Variants in CNTN4 observed in about 807,000 individuals in gnomAD.
CNTN4 encodes contactin-4.
A neutral mutation model predicts 122.5 loss-of-function variants in CNTN4; 77 were observed. The observed-to-expected ratio is 0.63, with a 90% confidence interval of 0.52 to 0.76. The LOEUF (loss-of-function observed/expected upper bound fraction) is 0.76. CNTN4 is among the 30% of genes least tolerant of loss of function. CNTN4 has a pLI of 0.00. For missense variants in CNTN4, 1,256 were observed against 1,259.1 expected (o/e 1.00, Z 0.04); for synonymous variants, 512 against 447.0 (o/e 1.15, Z -1.83).
At chr3:2,681,110 G>T (rs539063443) in intron 4 of CNTN4, among the ~76,000 whole-genome samples, 23 of 151,966 alleles carry the variant, frequency 1.5e-4, no homozygotes, top group African/African-American at 5.1e-4. Context: ...AATCATTCTG[G>T]GTACCAGGAA....
chr3:2,840,341 C>A (rs2093326658), intron 7 of CNTN4, among the ~76,000 whole-genome samples: 1 of 152,026 alleles, frequency 6.6e-6, no homozygotes, highest in Non-Finnish European at 1.5e-5. Context: ...CAGATCTTTT[C>A]TTTTCCTTTG....
At chr3:2,191,931 C>T (rs189107698) in intron 2 of CNTN4, among the ~76,000 whole-genome samples, 43 of 151,948 alleles carry the variant, frequency 2.8e-4, no homozygotes, top group Admixed American at 2.1e-3. Flanking sequence ...TTCCTGTGTC[C>T]AAGTGTTCTC....
At chr3:2,127,616 C>G (rs941153703) in intron 2 of CNTN4, among the ~76,000 whole-genome samples, 5 of 152,032 alleles carry the variant, frequency 3.3e-5, no homozygotes, top group African/African-American at 1.2e-4. Context: ...ACTTTTTACA[C>G]TCCTGCCAAG....
chr3:3,030,782 G>C (rs568865133), intron 15 of CNTN4, 73 bp from the exon 16 acceptor site: 2 of 1,515,988 alleles, frequency 1.3e-6, no homozygotes, highest in Non-Finnish European at 1.8e-6. Context: ...ATTAGTCACC[G>C]TGTCCTTCAT....
intron 4 of CNTN4, among the ~76,000 whole-genome samples, chr3:2,651,700 T>TTTTTTTTC (rs1217402990): frequency 2.1e-5 from 3 of 144,378 alleles, no homozygotes; most frequent in Non-Finnish European, 3.0e-5. Context: ...ATTTTTTTTC[T>TTTTTTTTC]TTTTTTTCTT....
intron 2 of CNTN4, among the ~76,000 whole-genome samples, chr3:2,130,635 A>G (rs2034406507): frequency 6.6e-6 from 1 of 152,156 alleles, no homozygotes; most frequent in Non-Finnish European, 1.5e-5. Flanking sequence ...TTTATTAGTT[A>G]TTGAAACTGG....
intron 7 of CNTN4, among the ~76,000 whole-genome samples, chr3:2,851,213 T>G (rs950063102): frequency 6.6e-6 from 1 of 152,224 alleles, no homozygotes; most frequent in African/African-American, 2.4e-5. Flanking sequence ...CATAATCATC[T>G]TAATCCATCT....
chr3:2,224,010 G>A (rs2039166032), intron 2 of CNTN4, among the ~76,000 whole-genome samples: 1 of 152,036 alleles, frequency 6.6e-6, no homozygotes, highest in African/African-American at 2.4e-5. Flanking sequence ...GTGAATACAG[G>A]ATATCTTCTT....
At chr3:2,666,940 G>A (rs544640605) in intron 4 of CNTN4, among the ~76,000 whole-genome samples, 198 of 151,942 alleles carry the variant, frequency 1.3e-3, no homozygotes, top group African/African-American at 4.2e-3. Context: ...TCATGGCTGC[G>A]TAGTATTCCA....
chr3:2,279,062 A>G (rs779121997), intron 2 of CNTN4, among the ~76,000 whole-genome samples: 1 of 151,942 alleles, frequency 6.6e-6, no homozygotes, highest in Non-Finnish European at 1.5e-5. Flanking sequence ...CCTTCCACAT[A>G]AGCTTAATAC....
intron 2 of CNTN4, among the ~76,000 whole-genome samples, chr3:2,156,531 GGGACATCA>G (rs1467882278): frequency 6.6e-6 from 1 of 152,166 alleles, no homozygotes; most frequent in Non-Finnish European, 1.5e-5. Context: ...TTACGCATGT[GGGACATCA>G]AGAGATAAAT....
At chr3:2,566,909 TAG>T (rs1245834368) in intron 3 of CNTN4, among the ~76,000 whole-genome samples, 4 of 152,196 alleles carry the variant, frequency 2.6e-5, no homozygotes, top group Non-Finnish European at 4.4e-5. Flanking sequence ...ATTAGAGATG[TAG>T]TCAACTTGCT....
chr3:2,932,854 GCT>G (rs1203239650), intron 13 of CNTN4, among the ~76,000 whole-genome samples: 1 of 150,156 alleles, frequency 6.7e-6, no homozygotes, highest in Non-Finnish European at 1.5e-5. Context: ...ACGGAGTCTC[GCT>G]CTGTCGCCCA....
In CNTN4 at chr3:2,709,384, A is replaced by G. The variant is rs957341090; in HGVS notation, c.56-26831A>G. ...TGCGTAGGTCTCACGCCTGGTTAGGATTTGATTGGTAAGGGTACAACCTGT... is the reference window on the plus strand; with the variant it reads ...TGCGTAGGTCTCACGCCTGGTTAGGGTTTGATTGGTAAGGGTACAACCTGT... On this transcript the variant is annotated intron_variant, in intron 4 of 24. Coordinates refer to ENST00000418658, the MANE Select transcript of CNTN4 (RefSeq NM_175607.3). The surrounding 1 kb of genome is among the most constrained non-coding windows in gnomAD (Gnocchi z 5.0). Among the ~76,000 whole-genome samples the G allele has an allele frequency of 1.3e-5, 2 of 151,692 alleles. No individual in the cohort carries two copies. Among genetic ancestry groups the G allele is most frequent in the Non-Finnish European group, 2.9e-5 (2 of 68,024 alleles).
intron 12 of CNTN4, among the ~76,000 whole-genome samples, chr3:2,909,991 G>A (rs796522373): frequency 2.0e-5 from 3 of 152,112 alleles, no homozygotes; most frequent in Non-Finnish European, 4.4e-5. Flanking sequence ...TCTGATTTTG[G>A]ATCAAAAAGC....
chr3:2,108,275 A>G (rs891626774), intron 2 of CNTN4, among the ~76,000 whole-genome samples: 1 of 150,116 alleles, frequency 6.7e-6, no homozygotes, highest in African/African-American at 2.5e-5. Flanking sequence ...CAACTCAAGT[A>G]TCACTAAGTT....
intron 3 of CNTN4, among the ~76,000 whole-genome samples, chr3:2,559,095 G>A (rs1401853853): frequency 1.3e-5 from 2 of 152,044 alleles, no homozygotes; most frequent in Non-Finnish European, 2.9e-5. Context: ...CTAACTAGAT[G>A]GATAACCACC....
At chr3:2,694,393 GAGTCTGTGTT>G (rs2085905996) in intron 4 of CNTN4, among the ~76,000 whole-genome samples, 1 of 152,216 alleles carries the variant, frequency 6.6e-6, no homozygotes, top group Admixed American at 6.5e-5. Flanking sequence ...CTCTAAAGCA[GAGTCTGTGTT>G]CTATACTTCT....
intron 3 of CNTN4, among the ~76,000 whole-genome samples, chr3:2,420,375 A>G (rs1349875783): frequency 1.3e-5 from 2 of 152,012 alleles, no homozygotes; most frequent in African/African-American, 2.4e-5. Context: ...GGTGTGCTTT[A>G]TGTCATGTCA....
Sources: allele counts gnomAD v4.1 joint callset (sites outside exome capture counted in the v4.1 genomes callset), GRCh38; gene constraint gnomAD v4.1.1; non-coding constraint Gnocchi (gnomAD v3.1); transcripts MANE v1.5; gene names NCBI Gene and HGNC (gene_info 2026-07-23, HGNC 2026-07-21).